ZNF841: variants seen among roughly 807,000 people sequenced by gnomAD.
The protein encoded by ZNF841 is TCONS_00006091.
ZNF841 carries 11 observed loss-of-function variants against 13.0 expected under a neutral mutation model. That is an observed-to-expected ratio of 0.85 (90% CI 0.53 to 1.40). ZNF841 has a LOEUF of 1.40. ZNF841 is among the 40% of genes most tolerant of loss of function. The pLI, the probability that ZNF841 is intolerant of heterozygous loss-of-function variation, is 0.00. For missense variants in ZNF841, 1,068 were observed against 1,139.5 expected (o/e 0.94, Z 0.90); for synonymous variants, 369 against 381.6 (o/e 0.97, Z 0.38).
At position 52,067,091 on chromosome 19, in the gene ZNF841, T is replaced by G. The variant is rs755955898; in HGVS notation, c.791A>C (p.Asn264Thr). ...CACTCTGAAGGCTTTGCCACACTCA[T>G]TACCTATGTAAGGTTTTTCCCTAAT... ...THIREKPYIG[N>T]ECGKAFRVSS... The change falls in exon 7 of 7, where the codon AAT (asparagine) becomes ACT (threonine). Residue 264 changes from asparagine (N) to threonine (T), a missense_variant. Asn to Thr is a moderately conservative substitution (Grantham distance 65). Coordinates refer to ENST00000594440, the MANE Select transcript of ZNF841 (RefSeq NM_001136499.2). The G allele has an allele frequency of 6.3e-7, 1 of 1,598,988 alleles. No homozygotes were observed. The highest frequency in any genetic ancestry group is 8.5e-7 in the Non-Finnish European group (1 of 1,171,548).
chr19:52,086,018 AGTGCAGGG>A lies in ZNF841; in HGVS notation c.-77-1148_-77-1141del, dbSNP rs1465495816. On this transcript the variant is annotated intron_variant, in intron 3 of 6. Transcript: ENST00000594440. ...GTCACCATCATCTGAGATGTGCAGG[AGTGCAGGG>A]GAATGTACTTGGTGAGTTCAGGCAA... Among the ~76,000 whole-genome samples the A allele has an allele frequency of 2.0e-5, 3 of 152,244 alleles. No homozygotes were observed. The East Asian group carries it at 5.8e-4, about 29-fold the overall frequency.
At chr19:52,071,837 TAA>T (rs1475216110) in intron 6 of ZNF841, among the ~76,000 whole-genome samples, 1 of 152,158 alleles carries the variant, frequency 6.6e-6, no homozygotes, top group African/African-American at 2.4e-5. Flanking sequence ...AATGGCAATA[TAA>T]GTCCTTTTCT....
At chr19:52,087,714 G>A (rs1410974744) in intron 3 of ZNF841, among the ~76,000 whole-genome samples, 3 of 151,940 alleles carry the variant, frequency 2.0e-5, no homozygotes, top group African/African-American at 4.8e-5. Context: ...GGCCCGGCGC[G>A]GTGGCTCACA....
the ZNF841 span, chr19:52,058,789 G>A: frequency 1.3e-5 from 2 of 153,012 alleles, no homozygotes; most frequent in African/African-American, 4.8e-5. Context: ...ATCATAATAA[G>A]CATGGCATTC....
chr19:52,067,223 G>C lies in ZNF841; in HGVS notation c.659C>G (p.Ala220Gly). 1 of 1,549,488 alleles carries C rather than the reference G, an allele frequency of 6.5e-7. No homozygotes were observed. The highest frequency in any genetic ancestry group is 8.7e-7 in the Non-Finnish European group (1 of 1,146,378). Reference protein sequence around the residue: ...IERTVNNCFLASPLQRIFPGV... With the variant: ...IERTVNNCFLGSPLQRIFPGV... Reference sequence around the variant, plus strand: ...AGGAAAAATTCTTTGAAGTGGTGAAGCTAAAAAACAATTATTAACTGTCCT... The same window carrying C: ...AGGAAAAATTCTTTGAAGTGGTGAACCTAAAAAACAATTATTAACTGTCCT... The change falls in exon 7 of 7, where the codon GCT becomes GGT. Residue 220 changes from alanine to glycine, a missense_variant. Physicochemically the swap from Ala to Gly is moderately conservative, Grantham distance 60 (BLOSUM62 0). Coordinates refer to ENST00000594440, the MANE Select transcript of ZNF841 (RefSeq NM_001136499.2).
At chr19:52,070,835 G>A (rs1665225419) in intron 6 of ZNF841, among the ~76,000 whole-genome samples, 1 of 152,218 alleles carries the variant, frequency 6.6e-6, no homozygotes, top group African/African-American at 2.4e-5. Flanking sequence ...CTTACAGAGT[G>A]AGAGTAGCAT....
chr19:52,063,350 G>A (rs2087437168), downstream of ZNF841, among the ~76,000 whole-genome samples: 2 of 151,324 alleles, frequency 1.3e-5, no homozygotes, highest in African/African-American at 4.9e-5. Context: ...ATGAACATTT[G>A]ATTTTTTTAT....
At chr19:52,089,460 T>C (rs539286383) in intron 2 of ZNF841, among the ~76,000 whole-genome samples, 2 of 151,582 alleles carry the variant, frequency 1.3e-5, no homozygotes, top group Non-Finnish European at 1.5e-5. Context: ...CTGGGCAACA[T>C]GGCAAAACCC....
intron 6 of ZNF841, among the ~76,000 whole-genome samples, chr19:52,074,817 A>C (rs578077928): frequency 2.5e-4 from 38 of 152,234 alleles, no homozygotes; most frequent in African/African-American, 8.2e-4. Flanking sequence ...CGTGCCCGGC[A>C]TGGGAGAAAT....
intron 4 of ZNF841, among the ~76,000 whole-genome samples, chr19:52,084,430 T>C (rs559966303): frequency 3.3e-5 from 5 of 152,342 alleles, no homozygotes; most frequent in African/African-American, 1.2e-4. Context: ...GACTTCCACA[T>C]ACAGCTTCTC....
downstream of ZNF841, chr19:52,064,382 A>AC (rs1182354769): frequency 1.9e-4 from 27 of 141,356 alleles, no homozygotes; most frequent in Non-Finnish European, 2.4e-4. Flanking sequence ...AAAAAAAAAA[A>AC]AAAAAAACTT....
chr19:52,059,390 T>TATATATACACACACAC, the ZNF841 span, among the ~76,000 whole-genome samples: 2 of 96,360 alleles, frequency 2.1e-5, no homozygotes, highest in African/African-American at 8.3e-5. Flanking sequence ...TATATATATA[T>TATATATACACACACAC]ACACACACAC....
At chr19:52,076,419 T>C (rs1364556182) in intron 5 of ZNF841, 6 of 394,188 alleles carry the variant, frequency 1.5e-5, no homozygotes, top group Non-Finnish European at 2.3e-5. Flanking sequence ...TCTCAGCACT[T>C]TGGGAGGCCA....
chr19:52,074,990 G>A (rs2087851968), intron 6 of ZNF841, among the ~76,000 whole-genome samples: 1 of 152,102 alleles, frequency 6.6e-6, no homozygotes, highest in African/African-American at 2.4e-5. Context: ...ATTCTACTCT[G>A]GCTTTAATAG....
chr19:52,083,425 TAA>T lies in ZNF841; in HGVS notation c.15+1360_15+1361del, dbSNP rs57008818. On this transcript the variant is annotated intron_variant, in intron 4 of 6. Coordinates refer to ENST00000594440, the MANE Select transcript of ZNF841 (RefSeq NM_001136499.2). The stretch of plus-strand genomic sequence containing the variant: ...ATGACACATGACATGTCCCACTCTT[TAA>T]AAAAAAAAAAAAAAATACTACTATG... Among the ~76,000 whole-genome samples, 417 of 139,496 alleles carry T rather than the reference TAA, an allele frequency of 3.0e-3. 1 individual carries two copies. The highest frequency in any genetic ancestry group is 8.4e-3 in the African/African-American group (322 of 38,158). 91.5% of individuals were successfully genotyped at this position (139,496 alleles called of 152,430 possible). A position where few individuals can be genotyped will look rare whatever the true frequency, so the allele number is the denominator to read the frequency against.
At chr19:52,084,445 C>G (rs2088203054) in intron 4 of ZNF841, among the ~76,000 whole-genome samples, 1 of 152,186 alleles carries the variant, frequency 6.6e-6, no homozygotes, top group Admixed American at 6.5e-5. Context: ...CTTCTCTACT[C>G]CTGGTCTACT....
In ZNF841 at chr19:52,065,724, G is replaced by T. The variant is rs1241294011; in HGVS notation, c.2158C>A (p.His720Asn). 1 of 1,605,488 alleles carries T rather than the reference G, an allele frequency of 6.2e-7. No homozygotes were observed. Among genetic ancestry groups the T allele is most frequent in the South Asian group, 1.1e-5 (1 of 90,284 alleles). ...TGATGGTACACCAGACTTGTTTTATGACTAAAAGTTCTACCACATTCACTA... is the reference window on the plus strand; with the variant it reads ...TGATGGTACACCAGACTTGTTTTATTACTAAAAGTTCTACCACATTCACTA... ...KCSECGRTFS[H>N]KTSLVYHQRR... Residue 720 changes from histidine to asparagine, a missense_variant, in exon 7 of 7, where the codon CAT (histidine) becomes AAT (asparagine). Transcript: ENST00000594440.
chr19:52,058,634 GA>G, the ZNF841 span: 2 of 152,556 alleles, frequency 1.3e-5, no homozygotes, highest in South Asian at 4.1e-4. Context: ...CATAACTGTT[GA>G]AAGTGCTTCC....
chr19:52,066,084 T>G lies in ZNF841; in HGVS notation c.1798A>C (p.Asn600His). The G allele has an allele frequency of 2.5e-6, 4 of 1,614,136 alleles. No homozygotes were observed. The highest frequency in any genetic ancestry group is 3.4e-6 in the Non-Finnish European group (4 of 1,179,998). Reference sequence around the variant, plus strand: ...TCAATGAAGACCTTGCCACACACATTACATTTGTAAGGTTTCTCTCCGGTA... The same window carrying G: ...TCAATGAAGACCTTGCCACACACATGACATTTGTAAGGTTTCTCTCCGGTA... The part of the protein sequence containing the change: ...MHTGEKPYKC[N>H]VCGKVFIDSG... Residue 600 changes from asparagine to histidine, a missense_variant, in exon 7 of 7, where the codon AAT becomes CAT. Physicochemically the swap from Asn to His is moderately conservative, Grantham distance 68 (BLOSUM62 1). Coordinates refer to ENST00000594440, the MANE Select transcript of ZNF841 (RefSeq NM_001136499.2).
Sources: allele counts gnomAD v4.1 joint callset (sites outside exome capture counted in the v4.1 genomes callset), GRCh38; gene constraint gnomAD v4.1.1; transcripts MANE v1.5; gene names NCBI Gene and HGNC (gene_info 2026-07-23, HGNC 2026-07-21).